Variants in IGF1R observed in about 807,000 individuals in gnomAD.
The protein encoded by IGF1R is insulin like growth factor 1 receptor.
IGF1R carries 44 observed loss-of-function variants against 144.6 expected under a neutral mutation model. The observed-to-expected ratio is 0.30, with a 90% CI of 0.24 to 0.39. The LOEUF (loss-of-function observed/expected upper bound fraction) is 0.39. Ranked by LOEUF, IGF1R falls within the 10% of genes least tolerant of loss-of-function variation. The pLI, the probability that IGF1R is intolerant of heterozygous loss-of-function variation, is 1.00. For missense variants in IGF1R, 1,355 were observed against 1,833.7 expected, an observed-to-expected ratio of 0.74 and a Z score of 4.77; for synonymous variants, 795 against 722.8, an observed-to-expected ratio of 1.10 and a Z score of -1.60.
intron 2 of IGF1R, among the ~76,000 whole-genome samples, chr15:98,810,507 A>G (rs1376867927): frequency 6.6e-6 from 1 of 151,716 alleles, no homozygotes; most frequent in African/African-American, 2.4e-5. Flanking sequence ...TTAACAGGCA[A>G]GTAACTCTCT....
intron 2 of IGF1R, among the ~76,000 whole-genome samples, chr15:98,815,719 C>T (rs981430397): frequency 5.3e-5 from 8 of 152,004 alleles, no homozygotes; most frequent in Admixed American, 3.9e-4. Flanking sequence ...GGAGTGTTTT[C>T]GAAATGCAGA....
At chr15:98,811,162 G>A (rs1204107871) in intron 2 of IGF1R, among the ~76,000 whole-genome samples, 1 of 151,942 alleles carries the variant, frequency 6.6e-6, no homozygotes, top group Non-Finnish European at 1.5e-5. Context: ...TTAACCAGAT[G>A]TGGTGGCACA....
intron 1 of IGF1R, among the ~76,000 whole-genome samples, chr15:98,690,797 T>TATG (rs2053458204): frequency 2.6e-5 from 4 of 152,234 alleles, no homozygotes; most frequent in African/African-American, 9.6e-5. Context: ...TCCATGTGGT[T>TATG]ATGTCCACCT....
At chr15:98,740,766 A>G (rs200600170) in intron 2 of IGF1R, among the ~76,000 whole-genome samples, 5 of 152,174 alleles carry the variant, frequency 3.3e-5, no homozygotes, top group East Asian at 3.9e-4. Flanking sequence ...AAAACATTCT[A>G]GGATCCACAC....
intron 2 of IGF1R, among the ~76,000 whole-genome samples, chr15:98,835,439 G>A (rs777897330): frequency 2.6e-5 from 4 of 152,148 alleles, no homozygotes; most frequent in Non-Finnish European, 4.4e-5. Flanking sequence ...GACTTTAATC[G>A]TGGCTTTAAG....
At chr15:98,809,033 T>G (rs2141452651) in intron 2 of IGF1R, among the ~76,000 whole-genome samples, 1 of 152,278 alleles carries the variant, frequency 6.6e-6, no homozygotes, top group South Asian at 2.1e-4. Flanking sequence ...CTCAAGACAT[T>G]TACCTATCCT....
chr15:98,869,303 C>G (rs991866419), intron 2 of IGF1R, among the ~76,000 whole-genome samples: 1 of 133,956 alleles, frequency 7.5e-6, no homozygotes, highest in African/African-American at 2.6e-5. Context: ...AAAAAACAAA[C>G]AACAACAACA....
chr15:98,850,428 G>A (rs965479339), intron 2 of IGF1R, among the ~76,000 whole-genome samples: 1 of 152,130 alleles, frequency 6.6e-6, no homozygotes, highest in Admixed American at 6.5e-5. Flanking sequence ...CAGACACCTG[G>A]GGGGGGCACC....
intron 2 of IGF1R, among the ~76,000 whole-genome samples, chr15:98,875,896 C>A (rs1996748): frequency 1.3e-5 from 2 of 152,114 alleles, no homozygotes; most frequent in Non-Finnish European, 2.9e-5. Flanking sequence ...GATGACAGGC[C>A]TCATACGCAT....
At chr15:98,656,230 C>A (rs552126923) in intron 1 of IGF1R, among the ~76,000 whole-genome samples, 3 of 152,208 alleles carry the variant, frequency 2.0e-5, no homozygotes, top group Non-Finnish European at 4.4e-5. Flanking sequence ...GGCCATCACA[C>A]ACTGCAGCGA....
chr15:98,669,348 C>G (rs972726364), intron 1 of IGF1R, among the ~76,000 whole-genome samples: 5 of 152,200 alleles, frequency 3.3e-5, no homozygotes, highest in Non-Finnish European at 7.3e-5. Flanking sequence ...CTTCCCTTTT[C>G]CATGAACTCC....
intron 2 of IGF1R, among the ~76,000 whole-genome samples, chr15:98,824,001 T>C (rs536701134): frequency 1.3e-5 from 2 of 152,346 alleles, no homozygotes; most frequent in South Asian, 4.1e-4. Context: ...TTGTGAATGA[T>C]GTGGTTCAAA....
Position 98,961,196 on chromosome 15 carries a change from C to A in IGF1R, c.*3754C>A. 1 of 233,596 alleles carries A rather than the reference C, an allele frequency of 4.3e-6. No homozygotes were observed. Among genetic ancestry groups the A allele is most frequent in the East Asian group, 6.0e-5 (1 of 16,582 alleles). 14.5% of individuals were successfully genotyped at this position (233,596 alleles called of 1,614,324 possible). A position where few individuals can be genotyped will look rare whatever the true frequency, so the allele number is the denominator to read the frequency against. On this transcript the variant is annotated 3_prime_UTR_variant, in exon 21 of 21. Coordinates refer to ENST00000650285, the MANE Select transcript of IGF1R (RefSeq NM_000875.5). ...TTTGTTCTTCCACACTGTAGGTGAC[C>A]CCTTGGAATAACGGCCTCTCCTCTC...
chr15:98,768,118 C>T (rs1231684137), intron 2 of IGF1R, among the ~76,000 whole-genome samples: 5 of 152,094 alleles, frequency 3.3e-5, no homozygotes, highest in Non-Finnish European at 7.4e-5. Flanking sequence ...GTGCTGGCTG[C>T]CAACTAAAAA....
In IGF1R at chr15:98,877,511, TTTC is replaced by T. The variant is rs1194807701; in HGVS notation, c.641-13813_641-13811del. On this transcript the variant is annotated intron_variant, in intron 2 of 20. Transcript: ENST00000650285. Reference sequence around the variant, plus strand: ...AGCCTTTTTTTTTTTTTTTTTTTTTTTTCCCCAAAAAATTTGCTACTCTTGAGG... The same window carrying T: ...AGCCTTTTTTTTTTTTTTTTTTTTTTCCCAAAAAATTTGCTACTCTTGAGG... Among the ~76,000 whole-genome samples the T allele has an allele frequency of 8.9e-3, 1,303 of 146,384 alleles. 20 individuals carry two copies. The highest frequency in any genetic ancestry group is 0.032 in the African/African-American group (1,246 of 38,880).
chr15:98,884,105 T>G (rs539788217), intron 2 of IGF1R, among the ~76,000 whole-genome samples: 1 of 152,214 alleles, frequency 6.6e-6, no homozygotes, highest in South Asian at 2.1e-4. Flanking sequence ...ATGGGGGTAT[T>G]CTAAAGGAGT....
At chr15:98,954,099 A>C (rs565855619) in intron 20 of IGF1R, 2 of 152,364 alleles carry the variant, frequency 1.3e-5, no homozygotes, top group Admixed American at 6.5e-5. Flanking sequence ...GCGTGTGGGA[A>C]TGTGCGGGTG....
chr15:98,664,517 T>C (rs902652305), intron 1 of IGF1R, among the ~76,000 whole-genome samples: 5 of 151,698 alleles, frequency 3.3e-5, no homozygotes, highest in African/African-American at 1.2e-4. Context: ...ATATAAAAAT[T>C]AGCCAGGCAC....
At position 98,891,631 on chromosome 15, in the gene IGF1R, G is replaced by A. The variant is rs1166303467; in HGVS notation, c.947G>A (p.Ser316Asn). ...ECPSGFIRNG[S>N]QSMYCIPCEG... Reference sequence around the variant, plus strand: ...CCCTCGGGCTTCATCCGCAACGGCAGCCAGAGGTCAGTCGCGGCCACACGT... The same window carrying A: ...CCCTCGGGCTTCATCCGCAACGGCAACCAGAGGTCAGTCGCGGCCACACGT... The change falls in exon 3 of 21, where the codon AGC becomes AAC. Residue 316 changes from serine to asparagine, a missense_variant. Ser to Asn is a conservative substitution (Grantham distance 46). Coordinates refer to ENST00000650285, the MANE Select transcript of IGF1R (RefSeq NM_000875.5). This position sits in a 1 kb window ranked among gnomAD's most constrained non-coding sequence, Gnocchi z 4.7. The A allele has an allele frequency of 6.2e-7, 1 of 1,600,614 alleles. No individual in the cohort carries two copies. Among genetic ancestry groups the A allele is most frequent in the African/African-American group, 1.3e-5 (1 of 74,932 alleles).
Sources: gnomAD v4.1 joint callset for allele counts (sites outside exome capture counted in the v4.1 genomes callset) on GRCh38, gnomAD v4.1.1 for gene constraint, Gnocchi (gnomAD v3.1) non-coding constraint, MANE v1.5 for transcripts, NCBI Gene and HGNC (gene_info 2026-07-23, HGNC 2026-07-21) for gene names.